The following NDRG3 variants were observed in gnomAD, a reference collection of about 807,000 sequenced individuals.
The protein encoded by NDRG3 is protein NDRG3.
Under a neutral mutation model 57.2 loss-of-function variants are expected in NDRG3, and 23 were observed. That is an observed-to-expected ratio of 0.40 (90% confidence interval 0.29 to 0.57). NDRG3 has a LOEUF of 0.57. Ranked by LOEUF, NDRG3 falls within the 20% of genes least tolerant of loss-of-function variation. The probability of loss-of-function intolerance (pLI) is 0.42; values close to 1 mark genes in which losing one functional copy is unlikely to be tolerated. For synonymous variants in NDRG3, 132 were observed against 162.6 expected, an observed-to-expected ratio of 0.81 and a Z score of 1.43; for missense variants, 384 against 457.3, an observed-to-expected ratio of 0.84 and a Z score of 1.46.
chr20:36,653,400 A>G lies in NDRG3; in HGVS notation c.*120T>C. 1 of 819,472 alleles carries G rather than the reference A, an allele frequency of 1.2e-6. No homozygotes were observed. Among genetic ancestry groups the G allele is most frequent in the Non-Finnish European group, 1.9e-6 (1 of 527,160 alleles). The allele number at this position is 819,472 out of a possible 1,614,324, so 50.8% of individuals were successfully genotyped here. The stretch of plus-strand genomic sequence containing the variant: ...ATGATAAATCCAGGCTACTAGAGAG[A>G]GGTTCAGTGGCCATGCATGAGTTAA... On this transcript the variant is annotated 3_prime_UTR_variant, in exon 16 of 16. Coordinates refer to ENST00000349004, the MANE Select transcript of NDRG3 (RefSeq NM_032013.4). The surrounding 1 kb of genome is among the most constrained non-coding windows in gnomAD (Gnocchi z 4.2).
At position 36,685,047 on chromosome 20, in the gene NDRG3, C is replaced by T. The variant is rs139121784; in HGVS notation, c.321-572G>A. Among the ~76,000 whole-genome samples, 663 of 152,184 alleles carry T rather than the reference C, an allele frequency of 4.4e-3. 7 individuals are homozygous for T. The highest frequency in any genetic ancestry group is 0.015 in the African/African-American group (629 of 41,510). ...ACCAGAGGGTGCCACATGAAAAGAA[C>T]TAGTAACATGGTTCTCTCTTAGGGT... is the stretch of plus-strand genomic sequence containing the variant. On this transcript the variant is annotated intron_variant, in intron 5 of 15. Transcript: ENST00000349004.
At chr20:36,695,924 G>C (rs1359456134) in intron 3 of NDRG3, among the ~76,000 whole-genome samples, 1 of 152,094 alleles carries the variant, frequency 6.6e-6, no homozygotes, top group African/African-American at 2.4e-5. Context: ...ACGGCTCAGG[G>C]GGCATCATGG....
At chr20:36,727,062 G>A (rs1223512887) in intron 1 of NDRG3, among the ~76,000 whole-genome samples, 6 of 149,480 alleles carry the variant, frequency 4.0e-5, no homozygotes, top group Admixed American at 6.7e-5. Context: ...GACTATAGGC[G>A]CATGCCTCCA....
intron 8 of NDRG3, among the ~76,000 whole-genome samples, chr20:36,672,154 G>A (rs1391514396): frequency 3.3e-5 from 5 of 152,150 alleles, no homozygotes; most frequent in South Asian, 2.1e-4. Context: ...TTCAGGGAGT[G>A]GGAGGAAATG....
chr20:36,692,919 A>T (rs1982385098), intron 3 of NDRG3, among the ~76,000 whole-genome samples: 1 of 150,528 alleles, frequency 6.6e-6, no homozygotes, highest in East Asian at 2.0e-4. Context: ...ACAAAAAAAT[A>T]AAAACATTAG....
At position 36,715,018 on chromosome 20, in the gene NDRG3, A is replaced by G. The variant is rs1292959662; in HGVS notation, c.57+6661T>C. 3.7e-3 allele frequency among the ~76,000 whole-genome samples: 312 copies of G among 85,434 alleles called. 2 individuals are homozygous for G. Among genetic ancestry groups the G allele is most frequent in the African/African-American group, 9.7e-3 (125 of 12,926 alleles). 56.0% of individuals were successfully genotyped at this position (85,434 alleles called of 152,430 possible). On this transcript the variant is annotated intron_variant, in intron 2 of 15. Transcript: ENST00000349004. Reference sequence around the variant, plus strand: ...TGTGTGTGTGTGTGTATATATATATATATATATATATATATATATATATAT... The same window carrying G: ...TGTGTGTGTGTGTGTATATATATATGTATATATATATATATATATATATAT...
chr20:36,719,629 G>C (rs1367580746), intron 2 of NDRG3, among the ~76,000 whole-genome samples: 1 of 151,928 alleles, frequency 6.6e-6, no homozygotes, highest in Non-Finnish European at 1.5e-5. Flanking sequence ...CAGATAAAAA[G>C]TAATAAGCAA....
At chr20:36,668,256 TAAAC>T (rs776867263) in intron 9 of NDRG3, among the ~76,000 whole-genome samples, 3 of 151,976 alleles carry the variant, frequency 2.0e-5, no homozygotes, top group Non-Finnish European at 2.9e-5. Context: ...AACAAACAAA[TAAAC>T]AGACTCCCAT....
chr20:36,660,207 C>A (rs1186651672), intron 13 of NDRG3, 130 bp downstream of exon 13: 2 of 718,092 alleles, frequency 2.8e-6, no homozygotes, highest in Admixed American at 5.4e-5. Context: ...GACTCTGTCT[C>A]AAAGAAAAAG....
At chr20:36,694,523 T>C (rs1246532766) in intron 3 of NDRG3, among the ~76,000 whole-genome samples, 2 of 152,232 alleles carry the variant, frequency 1.3e-5, no homozygotes, top group African/African-American at 4.8e-5. Context: ...AGTTGTCTTC[T>C]GCTAATTACT....
intron 3 of NDRG3, among the ~76,000 whole-genome samples, chr20:36,690,913 G>C (rs377387328): frequency 3.3e-5 from 5 of 152,262 alleles, no homozygotes; most frequent in Non-Finnish European, 7.3e-5. Context: ...GCTGAGAGTA[G>C]ATGCCGCACT....
intron 1 of NDRG3, among the ~76,000 whole-genome samples, chr20:36,722,478 T>C (rs1016905787): frequency 6.6e-6 from 1 of 152,186 alleles, no homozygotes; most frequent in Non-Finnish European, 1.5e-5. Context: ...AATACAATAG[T>C]CTTTGCTCTC....
chr20:36,695,612 C>T (rs191285854), intron 3 of NDRG3, among the ~76,000 whole-genome samples: 82 of 152,304 alleles, frequency 5.4e-4, no homozygotes, highest in Admixed American at 1.1e-3. Context: ...TCTCCTGCAG[C>T]GCCCCCAGGC....
At chr20:36,707,805 C>T (rs1028190542) in intron 2 of NDRG3, among the ~76,000 whole-genome samples, 7 of 152,082 alleles carry the variant, frequency 4.6e-5, no homozygotes, top group Non-Finnish European at 8.8e-5. Flanking sequence ...AAAAAGGGGC[C>T]GAGTGTGGTG....
At chr20:36,741,847 G>A (rs1985943420) in intron 1 of NDRG3, among the ~76,000 whole-genome samples, 1 of 152,162 alleles carries the variant, frequency 6.6e-6, no homozygotes, top group Admixed American at 6.5e-5. Context: ...TGAAGGTCGA[G>A]CCCAGGAATA....
In NDRG3 at chr20:36,660,344, A is replaced by C. The variant is rs371434758; in HGVS notation, c.851T>G (p.Leu284Trp). 2.1e-5 allele frequency: 33 copies of C among 1,606,906 alleles called. No homozygotes were observed. Among genetic ancestry groups the C allele is most frequent in the Non-Finnish European group, 2.7e-5 (32 of 1,175,388 alleles). ...GGGAAGAAGGCACATTACCTTTAGC[A>C]AAGTTGTATTTATAGGGTTCAGGCG... ...NSRLNPINTT[L>W]LKMADCGGLP... is the part of the protein sequence containing the mutation. The change falls in exon 13 of 16, where the codon TTG (leucine) becomes TGG (tryptophan). Residue 284 changes from leucine to tryptophan, a missense_variant. Transcript: ENST00000349004.
intron 1 of NDRG3, among the ~76,000 whole-genome samples, chr20:36,743,498 A>T (rs1280318862): frequency 5.4e-5 from 8 of 148,890 alleles, no homozygotes; most frequent in East Asian, 4.0e-4. Flanking sequence ...CCGTCTCAAA[A>T]AATAATAATA....
In NDRG3 at chr20:36,674,886, ATTTTTTTTTTTTT is replaced by A. The variant is rs34146274; in HGVS notation, c.532-3502_532-3490del. 1.8e-4 allele frequency among the ~76,000 whole-genome samples: 7 copies of A among 39,668 alleles called. 1 individual carries two copies. The East Asian group carries it at 3.4e-3, about 19-fold the overall frequency. The allele number at this position is 39,668 out of a possible 152,430, so 26.0% of individuals were successfully genotyped here. On this transcript the variant is annotated intron_variant, in intron 8 of 15. Coordinates refer to ENST00000349004, the MANE Select transcript of NDRG3 (RefSeq NM_032013.4). ...GGCATGAGCCACCATGCCCAGCCAG[ATTTTTTTTTTTTT>A]TTTTTTTTTTTTTTTTTGAGACAGG...
At chr20:36,684,533 G>C (rs1252783926) in intron 5 of NDRG3, 58 bp from the exon 6 acceptor site, 1 of 1,439,506 alleles carries the variant, frequency 6.9e-7, no homozygotes, top group African/African-American at 1.4e-5. Flanking sequence ...CCAGTTGCTA[G>C]AACAGCTGGA....
Sources: gnomAD v4.1 joint callset for allele counts (sites outside exome capture counted in the v4.1 genomes callset) on GRCh38, gnomAD v4.1.1 for gene constraint, Gnocchi (gnomAD v3.1) non-coding constraint, MANE v1.5 for transcripts, NCBI Gene and HGNC (gene_info 2026-07-23, HGNC 2026-07-21) for gene names.